The following SGCZ variants were observed in gnomAD, a reference collection of about 807,000 sequenced individuals.
SGCZ encodes the protein sarcoglycan zeta.
Under a neutral mutation model 41.3 loss-of-function variants are expected in SGCZ, and 40 were observed. The ratio of observed to expected loss-of-function variants is 0.97; its 90% CI spans 0.75 to 1.26. SGCZ has a LOEUF of 1.26. SGCZ is among the 50% of genes most tolerant of loss of function. SGCZ has a pLI of 0.00. For synonymous variants in SGCZ, 206 were observed against 137.5 expected (o/e 1.50, Z -3.49); for missense variants, 552 against 369.8 (o/e 1.49, Z -4.04).
chr8:15,108,174 T>C (rs539065520), intron 1 of SGCZ, among the ~76,000 whole-genome samples: 16 of 152,350 alleles, frequency 1.1e-4, no homozygotes, highest in African/African-American at 3.8e-4. Context: ...TGCGTTAATT[T>C]TGCTGCTCTT....
At chr8:14,845,650 C>T (rs761959443) in intron 1 of SGCZ, among the ~76,000 whole-genome samples, 1 of 152,020 alleles carries the variant, frequency 6.6e-6, no homozygotes, top group South Asian at 2.1e-4. Flanking sequence ...AAAAACGATG[C>T]CCAAATTGAA....
chr8:14,340,734 G>T (rs191253786), intron 2 of SGCZ, among the ~76,000 whole-genome samples: 1 of 152,238 alleles, frequency 6.6e-6, no homozygotes, highest in Non-Finnish European at 1.5e-5. Flanking sequence ...ATAATAAAGT[G>T]CAAAACCAAT....
At chr8:14,395,480 G>A (rs150482165) in intron 2 of SGCZ, among the ~76,000 whole-genome samples, 79 of 152,246 alleles carry the variant, frequency 5.2e-4, no homozygotes, top group Non-Finnish European at 9.1e-4. Flanking sequence ...AATCAGCAAT[G>A]GCAGAATACA....
intron 3 of SGCZ, among the ~76,000 whole-genome samples, chr8:14,290,127 A>G (rs6530754): frequency 0.75 from 113,967 of 151,472 alleles, 43,317 homozygotes; most frequent in Non-Finnish European, 0.8. Context: ...GGGTGGTGAC[A>G]CAGAGCCAAA....
chr8:14,873,186 G>T (rs1804229463), intron 1 of SGCZ, among the ~76,000 whole-genome samples: 1 of 152,134 alleles, frequency 6.6e-6, no homozygotes, highest in African/African-American at 2.4e-5. Flanking sequence ...CATGGAGGTA[G>T]TAGAGGAATA....
At chr8:14,744,440 T>C (rs1485149192) in intron 1 of SGCZ, among the ~76,000 whole-genome samples, 1 of 152,136 alleles carries the variant, frequency 6.6e-6, no homozygotes, top group East Asian at 1.9e-4. Context: ...TCTGCCTTGG[T>C]GGATGTCATT....
chr8:14,838,980 G>C (rs1802804541), intron 1 of SGCZ, among the ~76,000 whole-genome samples: 1 of 152,120 alleles, frequency 6.6e-6, no homozygotes, highest in South Asian at 2.1e-4. Flanking sequence ...TAGGACTTCA[G>C]GTGATCTCCT....
intron 1 of SGCZ, among the ~76,000 whole-genome samples, chr8:14,774,516 C>G (rs1458482250): frequency 6.6e-6 from 1 of 152,184 alleles, no homozygotes; most frequent in Admixed American, 6.5e-5. Context: ...TGTTGCAGCC[C>G]TTATGGCTTC....
chr8:14,320,714 C>T (rs1317109717), intron 3 of SGCZ, among the ~76,000 whole-genome samples: 1 of 151,952 alleles, frequency 6.6e-6, no homozygotes, highest in East Asian at 1.9e-4. Flanking sequence ...TGTGGAGTTA[C>T]TGGAATTTGA....
rs1491158644 is a variant in SGCZ, at chr8:14,087,715, A to AC, written c.*2727_*2728insG. 1.3e-5 allele frequency among the ~76,000 whole-genome samples: 1 copy of AC among 75,142 alleles called. No individual in the cohort carries two copies. Among genetic ancestry groups the AC allele is most frequent in the Admixed American group, 1.4e-4 (1 of 6,998 alleles). The allele number at this position is 75,142 out of a possible 152,430, so 49.3% of individuals were successfully genotyped here. On this transcript the variant is annotated 3_prime_UTR_variant, in exon 8 of 8. Transcript: ENST00000382080. ...GCAATTAAGGGACCACTATATTTTT[A>AC]AAAAAAAAAAAATGCTTTTTTGTGT...
chr8:14,803,719 A>G (rs999268563), intron 1 of SGCZ, among the ~76,000 whole-genome samples: 5 of 151,626 alleles, frequency 3.3e-5, no homozygotes, highest in Non-Finnish European at 7.4e-5. Context: ...AACTGGGTGG[A>G]GCCCACCACA....
chr8:14,944,104 T>A (rs1800365398), intron 1 of SGCZ, among the ~76,000 whole-genome samples: 1 of 152,176 alleles, frequency 6.6e-6, no homozygotes, highest in Non-Finnish European at 1.5e-5. Context: ...TAATTCAACG[T>A]CTAACTTAGC....
chr8:14,344,134 A>G lies in SGCZ; in HGVS notation c.235-19930T>C, dbSNP rs1397390162. Among the ~76,000 whole-genome samples, 4 of 152,160 alleles carry G rather than the reference A, an allele frequency of 2.6e-5. No homozygotes were observed. In the East Asian group the frequency reaches 7.7e-4, roughly 29 times the overall value. On this transcript the variant is annotated intron_variant, in intron 2 of 7. Transcript: ENST00000382080. ...GGAACTGCTAAAGACAGAACCATTG[A>G]AATCAATAAGATGTTTCATTCACAA...
intron 4 of SGCZ, among the ~76,000 whole-genome samples, chr8:14,233,275 A>G (rs1423258840): frequency 6.6e-6 from 1 of 151,966 alleles, no homozygotes; most frequent in East Asian, 1.9e-4. Flanking sequence ...ATATTTTGTA[A>G]TATAAGAAAA....
Position 14,348,079 on chromosome 8 carries a change from A to C in SGCZ, c.235-23875T>G, listed in dbSNP as rs546667631. Among the ~76,000 whole-genome samples, 9 of 152,142 alleles carry C rather than the reference A, an allele frequency of 5.9e-5. 1 individual carries two copies. In the South Asian group the frequency reaches 1.2e-3, roughly 21 times the overall value. On this transcript the variant is annotated intron_variant, in intron 2 of 7. Coordinates refer to ENST00000382080, the MANE Select transcript of SGCZ (RefSeq NM_139167.4). ...ACCAGGCACGGAGACCCAGCTGCAG[A>C]CTTCTCCCCAACCCAAGGATTACTT... is the stretch of plus-strand genomic sequence containing the variant.
At chr8:14,249,181 A>G (rs1215379571) in intron 3 of SGCZ, among the ~76,000 whole-genome samples, 2 of 152,174 alleles carry the variant, frequency 1.3e-5, no homozygotes, top group African/African-American at 4.8e-5. Context: ...ATAACAAGGC[A>G]GAATACAAGA....
intron 1 of SGCZ, among the ~76,000 whole-genome samples, chr8:14,832,402 G>T (rs755626378): frequency 6.6e-6 from 1 of 152,246 alleles, no homozygotes; most frequent in East Asian, 1.9e-4. Context: ...TAATGCCCAG[G>T]TGGTCCAAGA....
At chr8:14,368,587 C>T (rs1489194471) in intron 2 of SGCZ, among the ~76,000 whole-genome samples, 1 of 152,002 alleles carries the variant, frequency 6.6e-6, no homozygotes, top group Non-Finnish European at 1.5e-5. Flanking sequence ...GAACAGTGCT[C>T]ACAATGCCAA....
At chr8:14,255,978 C>A (rs941748350) in intron 3 of SGCZ, among the ~76,000 whole-genome samples, 2 of 152,040 alleles carry the variant, frequency 1.3e-5, no homozygotes, top group African/African-American at 4.8e-5. Flanking sequence ...ATTATCTATT[C>A]ATTAAATATA....
Sources: gnomAD v4.1 joint callset for allele counts (sites outside exome capture counted in the v4.1 genomes callset) on GRCh38, gnomAD v4.1.1 for gene constraint, MANE v1.5 for transcripts, NCBI Gene and HGNC (gene_info 2026-07-23, HGNC 2026-07-21) for gene names.